Variants in KYNU observed in about 807,000 individuals in gnomAD.
KYNU encodes L-kynurenine hydrolase.
In KYNU, 54 loss-of-function variants were observed where a neutral mutation model predicts 59.2. The observed-to-expected ratio is 0.91, with a 90% CI of 0.73 to 1.14. The LOEUF (loss-of-function observed/expected upper bound fraction) is 1.14, where lower values mean the gene tolerates loss of function less well. Among genes scored for constraint, KYNU ranks in the 50% most tolerant of loss-of-function variants. The pLI, the probability that KYNU is intolerant of heterozygous loss-of-function variation, is 0.00. For synonymous variants in KYNU, 177 were observed against 192.0 expected, an observed-to-expected ratio of 0.92 and a Z score of 0.65; for missense variants, 567 against 554.4, an observed-to-expected ratio of 1.02 and a Z score of -0.23.
At chr2:142,939,618 A>AG (rs1472472254) in intron 4 of KYNU, among the ~76,000 whole-genome samples, 1 of 150,238 alleles carries the variant, frequency 6.7e-6, no homozygotes, top group African/African-American at 2.4e-5. Context: ...AAAAAAAAAA[A>AG]AAAAGAAAAA....
At chr2:143,012,980 C>G (rs1330600045) in intron 10 of KYNU, among the ~76,000 whole-genome samples, 2 of 151,932 alleles carry the variant, frequency 1.3e-5, no homozygotes, top group African/African-American at 4.8e-5. Flanking sequence ...TTTTTTCTTT[C>G]TTTTTTTCTT....
rs972384756 is a variant in KYNU, at chr2:143,044,339, G to A, written c.*2167G>A. On this transcript the variant is annotated 3_prime_UTR_variant, in exon 14 of 14. Transcript: ENST00000264170. ...ATAGTAGAATGATTTATAATCCTTAGGGTATACCCAGTAATGGGATTGCTG... is the reference window on the plus strand; with the variant it reads ...ATAGTAGAATGATTTATAATCCTTAAGGTATACCCAGTAATGGGATTGCTG... The A allele has an allele frequency of 1.3e-5, 2 of 152,180 alleles. No individual in the cohort carries two copies. Among genetic ancestry groups the A allele is most frequent in the African/African-American group, 4.8e-5 (2 of 41,442 alleles). The allele number at this position is 152,180 out of a possible 1,614,324, so 9.4% of individuals were successfully genotyped here. A position where few individuals can be genotyped will look rare whatever the true frequency, so the allele number is the denominator to read the frequency against.
chr2:142,959,755 A>G (rs1684278049), intron 7 of KYNU, among the ~76,000 whole-genome samples: 1 of 132,842 alleles, frequency 7.5e-6, no homozygotes, highest in Non-Finnish European at 1.5e-5. Context: ...GGCAAGATAT[A>G]AGGAAAAAAC....
chr2:143,007,288 A>G (rs1206414404), intron 10 of KYNU, among the ~76,000 whole-genome samples: 4 of 150,274 alleles, frequency 2.7e-5, no homozygotes, highest in Admixed American at 2.6e-4. Flanking sequence ...GGTGCGATCA[A>G]CTGGAAGAAA....
chr2:143,009,357 C>A (rs1686019008), intron 10 of KYNU, among the ~76,000 whole-genome samples: 1 of 91,146 alleles, frequency 1.1e-5, no homozygotes, highest in Non-Finnish European at 2.0e-5. Flanking sequence ...AAGACTAAAC[C>A]AGGAAGAAGT....
At chr2:142,995,531 GA>G (rs1685514773) in intron 10 of KYNU, among the ~76,000 whole-genome samples, 1 of 152,064 alleles carries the variant, frequency 6.6e-6, no homozygotes, top group Non-Finnish European at 1.5e-5. Flanking sequence ...GTGATTAGAT[GA>G]ATATTTTATT....
intron 2 of KYNU, among the ~76,000 whole-genome samples, chr2:142,886,396 T>C (rs973152440): frequency 2.6e-5 from 4 of 152,206 alleles, no homozygotes; most frequent in African/African-American, 4.8e-5. Context: ...ATGTAATAAA[T>C]GTTAAAAACA....
intron 10 of KYNU, among the ~76,000 whole-genome samples, chr2:142,998,565 A>G (rs976714958): frequency 6.6e-6 from 1 of 152,214 alleles, no homozygotes; most frequent in African/African-American, 2.4e-5. Context: ...AACTTGTAAC[A>G]GATGAGTGAT....
chr2:142,967,765 G>A (rs542849290), intron 8 of KYNU, among the ~76,000 whole-genome samples: 50 of 152,118 alleles, frequency 3.3e-4, no homozygotes, highest in African/African-American at 1.2e-3. Context: ...AAGCTTGGCC[G>A]TGATGCTTTT....
chr2:142,932,313 A>C (rs750387968), intron 4 of KYNU, among the ~76,000 whole-genome samples: 2 of 152,164 alleles, frequency 1.3e-5, no homozygotes, highest in Admixed American at 1.3e-4. Flanking sequence ...TTGCTTTTGA[A>C]GGTTTTGGGC....
chr2:143,002,255 ATTGTAC>A (rs1685726208), intron 10 of KYNU, among the ~76,000 whole-genome samples: 1 of 152,234 alleles, frequency 6.6e-6, no homozygotes, highest in Admixed American at 6.5e-5. Flanking sequence ...AAACAATCAT[ATTGTAC>A]TTATACTTTT....
intron 8 of KYNU, among the ~76,000 whole-genome samples, chr2:142,975,163 C>T (rs141390207): frequency 1.3e-5 from 2 of 152,090 alleles, no homozygotes; most frequent in Admixed American, 6.5e-5. Context: ...CATGACTGCT[C>T]CCCCCACCAA....
chr2:142,987,255 A>G (rs1376101986), intron 10 of KYNU, among the ~76,000 whole-genome samples: 2 of 151,876 alleles, frequency 1.3e-5, no homozygotes, highest in African/African-American at 4.8e-5. Flanking sequence ...TTAAATTGAA[A>G]TAGAGGATCT....
At chr2:142,920,977 G>C (rs952744631) in intron 3 of KYNU, among the ~76,000 whole-genome samples, 8 of 152,170 alleles carry the variant, frequency 5.3e-5, no homozygotes, top group Non-Finnish European at 1.0e-4. Context: ...TCCAGCTGAA[G>C]TTCTGTTGGG....
intron 2 of KYNU, among the ~76,000 whole-genome samples, chr2:142,901,813 G>A (rs752870420): frequency 3.9e-5 from 6 of 151,970 alleles, no homozygotes; most frequent in East Asian, 1.9e-4. Context: ...TGCATACCTC[G>A]CTTTTGAAGT....
chr2:142,905,501 A>G (rs1427539521), intron 2 of KYNU, among the ~76,000 whole-genome samples: 1 of 152,206 alleles, frequency 6.6e-6, no homozygotes, highest in Non-Finnish European at 1.5e-5. Flanking sequence ...ATGGTAATTA[A>G]GATTTAAATC....
chr2:142,880,200 G>C (rs1483237337), intron 1 of KYNU, among the ~76,000 whole-genome samples: 2 of 152,222 alleles, frequency 1.3e-5, no homozygotes, highest in Non-Finnish European at 2.9e-5. Flanking sequence ...GTAGAGTTCA[G>C]TTCAGTAGGG....
rs1475936627 is a variant in KYNU, at chr2:143,030,653, C to CTATTATTA, written c.955+975_955+976insATTATTAT. 3.6e-3 allele frequency among the ~76,000 whole-genome samples: 543 copies of CTATTATTA among 150,468 alleles called. 3 individuals are homozygous for CTATTATTA. The highest frequency in any genetic ancestry group is 6.4e-3 in the Non-Finnish European group (432 of 67,484). The stretch of plus-strand genomic sequence containing the variant: ...CCATGACTGGATGATGATGATGATG[C>CTATTATTA]TGATTATTATTATTATTATTTAGTG... On this transcript the variant is annotated intron_variant, in intron 11 of 13. Transcript: ENST00000264170.
rs1681462669 is a variant in KYNU, at chr2:142,885,248, A to C, written c.-19-101A>C. The C allele has an allele frequency of 2.1e-5, 19 of 891,512 alleles. No individual in the cohort carries two copies. The Admixed American group carries it at 3.7e-4, about 17-fold the overall frequency. 55.2% of individuals were successfully genotyped at this position (891,512 alleles called of 1,614,324 possible). A position where few individuals can be genotyped will look rare whatever the true frequency, so the allele number is the denominator to read the frequency against. ...TAAGTATATTATTCCTGAGGTTGGG[A>C]AAAGGGAGTCTTAGTGAAAACAAAA... On this transcript the variant is annotated intron_variant, in intron 1 of 13. Coordinates refer to ENST00000264170, the MANE Select transcript of KYNU (RefSeq NM_003937.3).
Sources: gnomAD v4.1 joint callset for allele counts (sites outside exome capture counted in the v4.1 genomes callset) on GRCh38, gnomAD v4.1.1 for gene constraint, MANE v1.5 for transcripts, NCBI Gene and HGNC (gene_info 2026-07-23, HGNC 2026-07-21) for gene names.